The following WNK2 variants were observed in gnomAD, a reference collection of about 807,000 sequenced individuals.
WNK2 encodes serine/threonine-protein kinase WNK2.
WNK2 carries 67 observed loss-of-function variants against 192.1 expected under a neutral mutation model. The observed-to-expected ratio is 0.35, with a 90% CI of 0.29 to 0.43. WNK2 has a LOEUF of 0.43. Ranked by LOEUF, WNK2 falls within the 20% of genes least tolerant of loss-of-function variation. The probability of loss-of-function intolerance (pLI) is 1.00; values close to 1 mark genes in which losing one functional copy is unlikely to be tolerated. For missense variants in WNK2, 2,698 were observed against 3,089.7 expected (o/e 0.87, Z 3.01); for synonymous variants, 1,439 against 1,393.9 (o/e 1.03, Z -0.72).
rs751793708 is a variant in WNK2, at chr9:93,231,082, G to T, written c.1049G>T (p.Arg350Ile). ...GACTTGGGCCTGGCCACTCTGAAAA[G>T]AGCGTCATTTGCCAAAAGTGTGATA... ...IGDLGLATLK[R>I]ASFAKSVIGT... Residue 350 changes from arginine (R) to isoleucine (I), a missense_variant, in exon 4 of 30, where the codon AGA (arginine) becomes ATA (isoleucine). Transcript: ENST00000427277. 6.2e-7 allele frequency: 1 copy of T among 1,613,972 alleles called. No homozygotes were observed. Among genetic ancestry groups the T allele is most frequent in the Non-Finnish European group, 8.5e-7 (1 of 1,179,890 alleles).
intron 19 of WNK2, among the ~76,000 whole-genome samples, chr9:93,281,112 G>A (rs1847663896): frequency 6.6e-6 from 1 of 152,142 alleles, no homozygotes; most frequent in South Asian, 2.1e-4. Context: ...AGGTTCACAA[G>A]GAAACATCCA....
intron 12 of WNK2, 32 bp from the exon 13 acceptor site, chr9:93,261,782 C>T: frequency 6.4e-7 from 1 of 1,565,076 alleles, no homozygotes; most frequent in African/African-American, 1.3e-5. Flanking sequence ...CAGCGCCGGC[C>T]CTGACTTGCA....
Position 93,320,412 on chromosome 9 carries a change from C to T in WNK2, c.*20C>T, listed in dbSNP as rs758962908. The T allele has an allele frequency of 4.4e-6, 6 of 1,367,562 alleles. No individual in the cohort carries two copies. In the African/African-American group the frequency reaches 8.9e-5, roughly 20 times the overall value. The allele number at this position is 1,367,562 out of a possible 1,614,324, so 84.7% of individuals were successfully genotyped here. ...GACTGACCCCGCCTAGACGCCAGGC[C>T]CACTTCACGCCGTCTAAGTGGAGAA... On this transcript the variant is annotated 3_prime_UTR_variant, in exon 30 of 30. Transcript: ENST00000427277.
rs1339598984 is a variant in WNK2 at position 93,259,727 on chromosome 9, C to G, written c.3066+113C>G. ...GGAGGCAGCCCTGCCTGGGGTCGCC[C>G]CTCTCAGGAAGAGATGTGTGTGAGG... On this transcript the variant is annotated intron_variant, in intron 12 of 29. Transcript: ENST00000427277. The surrounding 1 kb of genome is among the most constrained non-coding windows in gnomAD (Gnocchi z 4.8). 1 of 1,055,528 alleles carries G rather than the reference C, an allele frequency of 9.5e-7. No homozygotes were observed. Among genetic ancestry groups the G allele is most frequent in the Non-Finnish European group, 1.3e-6 (1 of 753,904 alleles). The allele number at this position is 1,055,528 out of a possible 1,614,324, so 65.4% of individuals were successfully genotyped here.
rs1223387227 is a variant in WNK2 at position 93,292,370 on chromosome 9, T to C, written c.4999T>C (p.Ser1667Pro). 1 of 1,613,968 alleles carries C rather than the reference T, an allele frequency of 6.2e-7. No homozygotes were observed. The highest frequency in any genetic ancestry group is 1.7e-5 in the Admixed American group (1 of 60,024). The change falls in exon 22 of 30, where the codon TCC becomes CCC. Residue 1667 changes from serine to proline, a missense_variant. This residue lies in a region of WNK2 where 1,098 missense variants were observed against 1,101.0 expected (regional missense o/e 1.00). Transcript: ENST00000427277. ...AGATGGAAGGCAGGTGGCCTCAGAC[T>C]CCCATGTGGTCCCCAGCGTCCCCCA... ...DRDGRQVASD[S>P]HVVPSVPQDV...
chr9:93,257,175 G>A lies in WNK2; in HGVS notation c.2382+36G>A, dbSNP rs762526677. 17 of 1,582,890 alleles carry A rather than the reference G, an allele frequency of 1.1e-5. No homozygotes were observed. Among genetic ancestry groups the A allele is most frequent in the Admixed American group, 1.9e-5 (1 of 52,936 alleles). ...GTTGATGGCTGCCGTCAGTGGTGGC[G>A]CACGCTTTGCCAGGCCCTGGCTGGT... On this transcript the variant is annotated intron_variant, in intron 11 of 29. Coordinates refer to ENST00000427277, the MANE Select transcript of WNK2 (RefSeq NM_006648.4). This position sits in a 1 kb window ranked among gnomAD's most constrained non-coding sequence, Gnocchi z 4.7.
rs573628628 is a variant in WNK2, at chr9:93,258,571, G to T, written c.2383-360G>T. 4.9e-4 allele frequency among the ~76,000 whole-genome samples: 74 copies of T among 152,260 alleles called. 1 individual carries two copies. Among genetic ancestry groups the T allele is most frequent in the Non-Finnish European group, 9.6e-4 (65 of 68,006 alleles). On this transcript the variant is annotated intron_variant, in intron 11 of 29. Coordinates refer to ENST00000427277, the MANE Select transcript of WNK2 (RefSeq NM_006648.4). Reference sequence around the variant, plus strand: ...ATGACCTGTGGTCACTGCTCCTGCTGCTCACACTATGTGAGCTGCCCCTGA... The same window carrying T: ...ATGACCTGTGGTCACTGCTCCTGCTTCTCACACTATGTGAGCTGCCCCTGA...
Position 93,258,916 on chromosome 9 carries a change from C to A in WNK2, c.2383-15C>A, listed in dbSNP as rs964799576. 1.2e-6 allele frequency: 2 copies of A among 1,602,994 alleles called. No homozygotes were observed. The highest frequency in any genetic ancestry group is 2.7e-5 in the African/African-American group (2 of 74,858). On this transcript the variant is annotated splice_polypyrimidine_tract_variant and intron_variant, in intron 11 of 29. Transcript: ENST00000427277. ...GGTTGGGGCCCACACTGACACACTC[C>A]TGTGTCTCTTTCAGATGCCCCCGAT...
At chr9:93,230,527 C>T (rs532577197) in intron 3 of WNK2, among the ~76,000 whole-genome samples, 1 of 152,218 alleles carries the variant, frequency 6.6e-6, no homozygotes, top group Non-Finnish European at 1.5e-5. Context: ...TTTCGTAACC[C>T]TCACCCCCTC....
intron 16 of WNK2, among the ~76,000 whole-genome samples, chr9:93,266,732 C>G (rs1471271638): frequency 6.6e-6 from 1 of 152,122 alleles, no homozygotes; most frequent in Non-Finnish European, 1.5e-5. Context: ...GTCTGGGGTG[C>G]CAGGGGAGTG....
intron 7 of WNK2, among the ~76,000 whole-genome samples, chr9:93,244,810 G>A (rs1278727592): frequency 6.6e-6 from 1 of 152,218 alleles, no homozygotes; most frequent in Non-Finnish European, 1.5e-5. Flanking sequence ...GACCCCCTAG[G>A]GTTGGAGCCC....
chr9:93,305,954 G>C (rs1255712516), intron 26 of WNK2, among the ~76,000 whole-genome samples: 2 of 151,808 alleles, frequency 1.3e-5, no homozygotes, highest in African/African-American at 4.9e-5. Flanking sequence ...GATAAGCAGG[G>C]ATGGCCGTGC....
At chr9:93,264,187 G>A (rs913519000) in intron 16 of WNK2, among the ~76,000 whole-genome samples, 154 bp downstream of exon 16, 4 of 152,090 alleles carry the variant, frequency 2.6e-5, no homozygotes, top group Admixed American at 1.3e-4. Context: ...TTTACGCCTC[G>A]GGCTCTTCCC....
At chr9:93,192,150 C>T (rs1182050418) in intron 2 of WNK2, among the ~76,000 whole-genome samples, 1 of 151,418 alleles carries the variant, frequency 6.6e-6, no homozygotes, top group Non-Finnish European at 1.5e-5. Context: ...CCCGTCTGTA[C>T]TAAAAATACA....
Position 93,292,411 on chromosome 9 carries a change from A to C in WNK2, c.5025+15A>C. 1 of 1,613,874 alleles carries C rather than the reference A, an allele frequency of 6.2e-7. No homozygotes were observed. The highest frequency in any genetic ancestry group is 8.5e-7 in the Non-Finnish European group (1 of 1,179,832). On this transcript the variant is annotated intron_variant, in intron 22 of 29. Coordinates refer to ENST00000427277, the MANE Select transcript of WNK2 (RefSeq NM_006648.4). Reference sequence around the variant, plus strand: ...GCGTCCCCCAGGTAAGGGCGACTTGACGACCCCCTGGCTGGTTGGCAGGGT... The same window carrying C: ...GCGTCCCCCAGGTAAGGGCGACTTGCCGACCCCCTGGCTGGTTGGCAGGGT...
intron 19 of WNK2, among the ~76,000 whole-genome samples, chr9:93,272,914 A>G (rs913681538): frequency 1.3e-5 from 2 of 152,182 alleles, no homozygotes; most frequent in African/African-American, 2.4e-5. Flanking sequence ...TCAATTAAAA[A>G]ATGATTATGA....
intron 26 of WNK2, among the ~76,000 whole-genome samples, chr9:93,303,936 G>A (rs929171285): frequency 5.3e-5 from 8 of 152,190 alleles, no homozygotes; most frequent in Admixed American, 1.3e-4. Flanking sequence ...TGACCATGGC[G>A]GGGGCTGACC....
At chr9:93,220,451 C>T (rs1342357982) in intron 2 of WNK2, among the ~76,000 whole-genome samples, 1 of 152,176 alleles carries the variant, frequency 6.6e-6, no homozygotes, top group East Asian at 1.9e-4. Flanking sequence ...TGCACTAACC[C>T]TGAGGAGACC....
At position 93,279,683 on chromosome 9, in the gene WNK2, A is replaced by G. The variant is rs36065185; in HGVS notation, c.4034-9105A>G. On this transcript the variant is annotated intron_variant, in intron 19 of 29. Transcript: ENST00000427277. ...TTATTATAAAACTACAGTAATCAAG[A>G]CAATGTGGTATTGATGCAAAGACAG... 1.1e-4 allele frequency among the ~76,000 whole-genome samples: 16 copies of G among 152,228 alleles called. No homozygotes were observed. In the East Asian group the frequency reaches 1.2e-3, roughly 11 times the overall value.
Sources: gnomAD v4.1 joint callset for allele counts (sites outside exome capture counted in the v4.1 genomes callset) on GRCh38, gnomAD v4.1.1 for gene constraint, gnomAD v4.1.1 regional missense constraint, Gnocchi (gnomAD v3.1) non-coding constraint, MANE v1.5 for transcripts, NCBI Gene and HGNC (gene_info 2026-07-23, HGNC 2026-07-21) for gene names.